Variants in SEZ6L2 observed in about 807,000 individuals in gnomAD.
SEZ6L2 encodes the protein seizure related 6 homolog like 2.
A neutral mutation model predicts 97.0 loss-of-function variants in SEZ6L2; 44 were observed. The ratio of observed to expected loss-of-function variants is 0.45; its 90% confidence interval spans 0.36 to 0.58. The LOEUF (loss-of-function observed/expected upper bound fraction) is 0.58. Ranked by LOEUF, SEZ6L2 falls within the 20% of genes least tolerant of loss-of-function variation. SEZ6L2 has a pLI of 0.00. For synonymous variants in SEZ6L2, 543 were observed against 546.1 expected, an observed-to-expected ratio of 0.99 and a Z score of 0.08; for missense variants, 1,086 against 1,233.3, an observed-to-expected ratio of 0.88 and a Z score of 1.79.
chr16:29,885,792 C>A (rs777186141), intron 7 of SEZ6L2, 43 bp from the exon 8 acceptor site: 1 of 1,575,038 alleles, frequency 6.3e-7, no homozygotes, highest in Non-Finnish European at 8.7e-7. Context: ...ATCTCCCTCA[C>A]AAGCTGCCTC....
chr16:29,883,902 G>A lies in SEZ6L2; in HGVS notation c.1372+1684C>T, dbSNP rs143860798. Among the ~76,000 whole-genome samples, 600 of 151,826 alleles carry A rather than the reference G, an allele frequency of 4.0e-3. 2 individuals carry two copies. The highest frequency in any genetic ancestry group is 6.3e-3 in the Non-Finnish European group (427 of 67,928). On this transcript the variant is annotated intron_variant, in intron 8 of 17. Coordinates refer to ENST00000617533, the MANE Select transcript of SEZ6L2 (RefSeq NM_001243332.2). ...AACCATGATCGGGCCACCGCACTACGGCCTGGGCGACAAAGCAAGACCTAT... is the reference window on the plus strand; with the variant it reads ...AACCATGATCGGGCCACCGCACTACAGCCTGGGCGACAAAGCAAGACCTAT...
Position 29,895,474 on chromosome 16 carries a change from A to C in SEZ6L2, c.652-14T>G. 1 of 1,612,810 alleles carries C rather than the reference A, an allele frequency of 6.2e-7. No homozygotes were observed. Among genetic ancestry groups the C allele is most frequent in the Non-Finnish European group, 8.5e-7 (1 of 1,179,152 alleles). On this transcript the variant is annotated splice_polypyrimidine_tract_variant and intron_variant, in intron 4 of 17. Transcript: ENST00000617533. ...CAGCGTCTGCACCTAGAGAAGCCAG[A>C]CACAGACCCGCCAGGGCAAGTCAGC... is the stretch of plus-strand genomic sequence containing the variant.
At chr16:29,887,622 C>T in intron 7 of SEZ6L2, 27 bp downstream of exon 7, 1 of 1,529,720 alleles carries the variant, frequency 6.5e-7, no homozygotes, top group South Asian at 1.3e-5. Flanking sequence ...AAGGTGGGGA[C>T]TTCTGACCCA....
intron 17 of SEZ6L2, 71 bp downstream of exon 17, chr16:29,872,116 A>C: frequency 8.1e-7 from 1 of 1,234,616 alleles, no homozygotes; most frequent in South Asian, 1.5e-5. Flanking sequence ...GATTCCAGAG[A>C]CCTTGCGAGA....
chr16:29,898,075 A>C (rs1292864728), intron 1 of SEZ6L2, 91 bp from the exon 2 acceptor site: 13 of 1,548,508 alleles, frequency 8.4e-6, no homozygotes, highest in East Asian at 2.4e-5. Flanking sequence ...TCCCTCCTCC[A>C]TCAGCTGGGC....
At chr16:29,879,792 C>A in intron 9 of SEZ6L2, 72 bp downstream of exon 9, 1 of 1,354,190 alleles carries the variant, frequency 7.4e-7, no homozygotes, top group Non-Finnish European at 1.0e-6. Flanking sequence ...CCTTTCTGAA[C>A]GGCCTTGCTG....
chr16:29,883,457 G>C (rs2068069334), intron 8 of SEZ6L2, among the ~76,000 whole-genome samples: 1 of 152,106 alleles, frequency 6.6e-6, no homozygotes, highest in Admixed American at 6.6e-5. Context: ...GACTAGAGGT[G>C]TGTGCCACCA....
rs2068485677 is a variant in SEZ6L2 at position 29,899,383 on chromosome 16, A to G, written c.-364T>C. 7.9e-6 allele frequency: 2 copies of G among 251,750 alleles called. No homozygotes were observed. Among genetic ancestry groups the G allele is most frequent in the South Asian group, 3.6e-5 (1 of 28,130 alleles). The allele number at this position is 251,750 out of a possible 1,614,324, so 15.6% of individuals were successfully genotyped here. On this transcript the variant is annotated 5_prime_UTR_variant, in exon 1 of 18. Transcript: ENST00000617533. ...CACTGGGCTGTCTGGACCCCAAGCT[A>G]GGGGACTGGGGAGGAGAAAGACAGC... is the stretch of plus-strand genomic sequence containing the variant.
rs1006589293 is a variant in SEZ6L2, at chr16:29,896,868, G to A, written c.465C>T (p.Thr155=). The change falls in exon 3 of 18, where the codon ACC becomes ACT. Residue 155 remains threonine (T), a synonymous_variant. Coordinates refer to ENST00000617533, the MANE Select transcript of SEZ6L2 (RefSeq NM_001243332.2). ...GPEGGEEETT[T]TIITTTTVTT... is the part of the protein sequence containing the mutation. Reference sequence around the variant, plus strand: ...TAACAGTTGTCGTGGTGATGATGGTGGTCGTCGTCTCCTCCTCTCCTCCCT... The same window carrying A: ...TAACAGTTGTCGTGGTGATGATGGTAGTCGTCGTCTCCTCCTCTCCTCCCT... 1.1e-5 allele frequency: 17 copies of A among 1,613,932 alleles called. No individual in the cohort carries two copies. The highest frequency in any genetic ancestry group is 1.4e-5 in the Non-Finnish European group (17 of 1,179,966).
At position 29,894,792 on chromosome 16, in the gene SEZ6L2, T is replaced by C. The variant is rs74736633; in HGVS notation, c.853+467A>G. ...GATCTGTGAGTGTGTGAGATAAGTATGCATGGGTCTCCTCTGAGGGCCCTG... is the reference window on the plus strand; with the variant it reads ...GATCTGTGAGTGTGTGAGATAAGTACGCATGGGTCTCCTCTGAGGGCCCTG... On this transcript the variant is annotated intron_variant, in intron 5 of 17. Transcript: ENST00000617533. 5.4e-3 allele frequency among the ~76,000 whole-genome samples: 826 copies of C among 152,196 alleles called. 3 individuals are homozygous for C. Among genetic ancestry groups the C allele is most frequent in the African/African-American group, 0.019 (796 of 41,534 alleles).
chr16:29,895,551 C>T (rs2068367143), intron 4 of SEZ6L2, 91 bp from the exon 5 acceptor site: 1 of 1,480,256 alleles, frequency 6.8e-7, no homozygotes, highest in Non-Finnish European at 9.2e-7. Flanking sequence ...CTGTGTGTAG[C>T]AGCCCAAAAG....
rs2150818668 is a variant in SEZ6L2 at position 29,897,018 on chromosome 16, T to C, written c.315A>G (p.Thr105=). ...ATEPGTGPLT[T]AVTPNGVRGA... Reference sequence around the variant, plus strand: ...CCCTGACCCCGTTAGGGGTGACGGCTGTTGTCAGAGGCCCTGTCCCCGGCT... The same window carrying C: ...CCCTGACCCCGTTAGGGGTGACGGCCGTTGTCAGAGGCCCTGTCCCCGGCT... Residue 105 remains threonine (T), a synonymous_variant, in exon 3 of 18, where the codon ACA becomes ACG. Transcript: ENST00000617533. 1 of 1,583,194 alleles carries C rather than the reference T, an allele frequency of 6.3e-7. No individual in the cohort carries two copies. Among genetic ancestry groups the C allele is most frequent in the East Asian group, 2.3e-5 (1 of 43,920 alleles).
Position 29,873,695 on chromosome 16 carries a change from G to A in SEZ6L2, c.2139C>T (p.Asn713=), listed in dbSNP as rs759499639. 31 of 1,606,434 alleles carry A rather than the reference G, an allele frequency of 1.9e-5. No homozygotes were observed. The highest frequency in any genetic ancestry group is 1.7e-4 in the Middle Eastern group (1 of 6,046). Reference sequence around the variant, plus strand: ...CGGCGTCCGAGGCGGTGCGGTGCCCGTTGGCAATCTCGCCAGGGTCAGCAC... The same window carrying A: ...CGGCGTCCGAGGCGGTGCGGTGCCCATTGGCAATCTCGCCAGGGTCAGCAC... ...MTCADPGEIA[N]GHRTASDAGF... is the part of the protein sequence containing the mutation. Residue 713 remains asparagine (N), a synonymous_variant, in exon 13 of 18, where the codon AAC becomes AAT. Transcript: ENST00000617533. The surrounding 1 kb of genome is among the most constrained non-coding windows in gnomAD (Gnocchi z 4.3).
chr16:29,875,561 C>T (rs1323180737), intron 12 of SEZ6L2, among the ~76,000 whole-genome samples: 1 of 152,128 alleles, frequency 6.6e-6, no homozygotes, highest in East Asian at 1.9e-4. Context: ...CCACATGGAA[C>T]TACAGCCCCA....
At chr16:29,896,774 G>A (rs756100721) in intron 3 of SEZ6L2, 48 bp downstream of exon 3, 35 of 1,554,898 alleles carry the variant, frequency 2.3e-5, no homozygotes, top group South Asian at 1.3e-4. Flanking sequence ...CATCCCCAGC[G>A]TGTACCTCTC....
chr16:29,871,813 G>T, intron 17 of SEZ6L2, 85 bp from the exon 18 acceptor site: 1 of 1,260,298 alleles, frequency 7.9e-7, no homozygotes, highest in Non-Finnish European at 1.1e-6. Context: ...AACGATCCTG[G>T]GTTTTAAAGT....
At chr16:29,887,189 G>GA (rs796793207) in intron 7 of SEZ6L2, among the ~76,000 whole-genome samples, 582 of 81,976 alleles carry the variant, frequency 7.1e-3, no homozygotes, top group South Asian at 0.011. Context: ...CTCAAAAAAA[G>GA]AAAAAAAAAA....
In SEZ6L2 at chr16:29,886,636, G is replaced by A. The variant is rs145718744; in HGVS notation, c.1209-887C>T. 7.0e-3 allele frequency among the ~76,000 whole-genome samples: 1,055 copies of A among 150,482 alleles called. 14 individuals are homozygous for A. Among genetic ancestry groups the A allele is most frequent in the African/African-American group, 0.025 (1,005 of 40,804 alleles). ...ACAGAGGTTGTAGTGAGCCGAGATC[G>A]CACCACTGCACTCCAGCCTGGGCGA... On this transcript the variant is annotated intron_variant, in intron 7 of 17. Transcript: ENST00000617533.
chr16:29,893,657 A>G (rs544997121), intron 5 of SEZ6L2, among the ~76,000 whole-genome samples: 113 of 152,050 alleles, frequency 7.4e-4, no homozygotes, highest in African/African-American at 2.4e-3. Context: ...CAAAAAAAAA[A>G]AAAAAAAAAT....
Sources: allele counts gnomAD v4.1 joint callset (sites outside exome capture counted in the v4.1 genomes callset), GRCh38; gene constraint gnomAD v4.1.1; non-coding constraint Gnocchi (gnomAD v3.1); transcripts MANE v1.5; gene names NCBI Gene and HGNC (gene_info 2026-07-23, HGNC 2026-07-21).